Variants in TPST1 observed in about 807,000 individuals in gnomAD.
TPST1 encodes the protein tyrosylprotein sulfotransferase 1.
In TPST1, 20 loss-of-function variants were observed where a neutral mutation model predicts 34.8. The observed-to-expected ratio is 0.57, with a 90% CI of 0.40 to 0.84. The LOEUF (loss-of-function observed/expected upper bound fraction) is 0.84, where lower values mean the gene tolerates loss of function less well. TPST1 is among the 40% of genes least tolerant of loss of function. The pLI, the probability that TPST1 is intolerant of heterozygous loss-of-function variation, is 0.00. For missense variants in TPST1, 353 were observed against 455.5 expected, an observed-to-expected ratio of 0.78 and a Z score of 2.05; for synonymous variants, 152 against 159.4, an observed-to-expected ratio of 0.95 and a Z score of 0.35.
At chr7:66,209,889 G>A (rs1676218518) in intron 1 of TPST1, among the ~76,000 whole-genome samples, 1 of 152,084 alleles carries the variant, frequency 6.6e-6, no homozygotes, top group African/African-American at 2.4e-5. Context: ...GATTGGTCTT[G>A]AACTCCTGGC....
rs1180072248 is a variant in TPST1 at position 66,240,442 on chromosome 7, A to G, written c.17A>G (p.Lys6Arg). ...CACATCAAGATGGTTGGAAAGCTGAAGCAGAACTTACTATTGGCATGTCTG... is the reference window on the plus strand; with the variant it reads ...CACATCAAGATGGTTGGAAAGCTGAGGCAGAACTTACTATTGGCATGTCTG... MVGKL[K>R]QNLLLACLVI... Residue 6 changes from lysine to arginine, a missense_variant, in exon 2 of 6, where the codon AAG (lysine) becomes AGG (arginine). Coordinates refer to ENST00000304842, the MANE Select transcript of TPST1 (RefSeq NM_003596.4). 4 of 1,613,816 alleles carry G rather than the reference A, an allele frequency of 2.5e-6. No homozygotes were observed. Among genetic ancestry groups the G allele is most frequent in the Non-Finnish European group, 3.4e-6 (4 of 1,179,834 alleles).
chr7:66,345,772 C>CATCAGGAT (rs1162732590), intron 3 of TPST1, among the ~76,000 whole-genome samples: 1 of 151,984 alleles, frequency 6.6e-6, no homozygotes, highest in Non-Finnish European at 1.5e-5. Context: ...GTAATAATCA[C>CATCAGGAT]ATCAGGATGA....
chr7:66,321,335 A>G lies in TPST1; in HGVS notation c.1045-31170A>G, dbSNP rs151084775. 6.6e-5 allele frequency among the ~76,000 whole-genome samples: 10 copies of G among 152,372 alleles called. No homozygotes were observed. In the East Asian group the frequency reaches 1.9e-3, roughly 29 times the overall value. ...GTTTTTATTAGGGGTCAGTCATGAC[A>G]TAGGCATTTGGTATTACCTGCACAA... On this transcript the variant is annotated intron_variant, in intron 3 of 5. Coordinates refer to ENST00000304842, the MANE Select transcript of TPST1 (RefSeq NM_003596.4).
chr7:66,274,564 G>C (rs1052408413), intron 2 of TPST1, among the ~76,000 whole-genome samples: 1 of 151,968 alleles, frequency 6.6e-6, no homozygotes, highest in African/African-American at 2.4e-5. Flanking sequence ...AAAAGCACTG[G>C]CAACAAAAAC....
At chr7:66,219,249 A>G (rs146420559) in intron 1 of TPST1, among the ~76,000 whole-genome samples, 27 of 152,190 alleles carry the variant, frequency 1.8e-4, no homozygotes, top group Middle Eastern at 3.4e-3. Flanking sequence ...CATAGAGAAC[A>G]TCACAAAATT....
chr7:66,279,629 A>G (rs1192328945), intron 2 of TPST1, among the ~76,000 whole-genome samples: 1 of 152,202 alleles, frequency 6.6e-6, no homozygotes, highest in Non-Finnish European at 1.5e-5. Flanking sequence ...TTTTCTAATA[A>G]CAGCTCATAG....
chr7:66,279,460 T>C (rs1399518652), intron 2 of TPST1, among the ~76,000 whole-genome samples: 3 of 152,226 alleles, frequency 2.0e-5, no homozygotes, highest in African/African-American at 7.2e-5. Context: ...AGGGGGTTAC[T>C]GGGTCTAATG....
chr7:66,341,425 C>T lies in TPST1; in HGVS notation c.1045-11080C>T, dbSNP rs182133081. ...CCCAAGTAGCTGGGATTGCAGGCAC[C>T]CATCACAAATGCCTGGCTAATGTTT... On this transcript the variant is annotated intron_variant, in intron 3 of 5. Transcript: ENST00000304842. Among the ~76,000 whole-genome samples the T allele has an allele frequency of 1.8e-3, 276 of 152,234 alleles. 1 individual carries two copies. Among genetic ancestry groups the T allele is most frequent in the African/African-American group, 6.3e-3 (261 of 41,556 alleles).
chr7:66,221,780 T>C (rs1280221368), intron 1 of TPST1: 1 of 152,204 alleles, frequency 6.6e-6, no homozygotes, highest in Non-Finnish European at 1.5e-5. Flanking sequence ...TTTAGTGTCA[T>C]TGATTACTGT....
intron 1 of TPST1, among the ~76,000 whole-genome samples, chr7:66,215,655 G>A (rs1425011467): frequency 6.6e-6 from 1 of 151,228 alleles, no homozygotes; most frequent in Non-Finnish European, 1.5e-5. Context: ...TTACAGGCGT[G>A]AGCCACCGCG....
At position 66,286,643 on chromosome 7, in the gene TPST1, T is replaced by C; in HGVS notation, c.978T>C (p.Tyr326=). ...VIAPMLAKLG[Y]DPYANPPNYG... ...CTCCTATGCTTGCCAAGCTTGGATA[T>C]GACCCATATGCCAACCCACCTAACT... The change falls in exon 3 of 6, where the codon TAT becomes TAC. Residue 326 remains tyrosine (Y), a synonymous_variant. Coordinates refer to ENST00000304842, the MANE Select transcript of TPST1 (RefSeq NM_003596.4). 6.2e-7 allele frequency: 1 copy of C among 1,607,342 alleles called. No homozygotes were observed. Among genetic ancestry groups the C allele is most frequent in the Non-Finnish European group, 8.5e-7 (1 of 1,176,110 alleles).
At chr7:66,259,378 A>T (rs1179187098) in intron 2 of TPST1, among the ~76,000 whole-genome samples, 1 of 152,158 alleles carries the variant, frequency 6.6e-6, no homozygotes, top group African/African-American at 2.4e-5. Context: ...GATCTGTAGA[A>T]CCTTGCATTC....
upstream of TPST1, among the ~76,000 whole-genome samples, chr7:66,204,158 CAG>C (rs1374149151): frequency 2.0e-5 from 3 of 150,650 alleles, no homozygotes; most frequent in African/African-American, 7.3e-5. Flanking sequence ...GCCTGGGAGA[CAG>C]AGTGAGACTC....
At chr7:66,311,502 AG>A (rs1176627631) in intron 3 of TPST1, among the ~76,000 whole-genome samples, 1 of 152,200 alleles carries the variant, frequency 6.6e-6, no homozygotes, top group Non-Finnish European at 1.5e-5. Context: ...AGAATATATA[AG>A]GAAGTTCAAA....
rs1792004818 is a variant in TPST1, at chr7:66,332,076, CAG to C, written c.1045-20427_1045-20426del. On this transcript the variant is annotated intron_variant, in intron 3 of 5. Transcript: ENST00000304842. This position sits in a 1 kb window ranked among gnomAD's most constrained non-coding sequence, Gnocchi z 4.5. ...ACTATATATTATGATGTAATAATAACAGAAATAAAGTGCACAGTAAACGTAAT... is the reference window on the plus strand; with the variant it reads ...ACTATATATTATGATGTAATAATAACAAATAAAGTGCACAGTAAACGTAAT... Among the ~76,000 whole-genome samples the C allele has an allele frequency of 6.6e-6, 1 of 152,046 alleles. No individual in the cohort carries two copies. Among genetic ancestry groups the C allele is most frequent in the African/African-American group, 2.4e-5 (1 of 41,390 alleles).
chr7:66,238,915 T>C (rs1027747640), intron 1 of TPST1, among the ~76,000 whole-genome samples: 2 of 152,232 alleles, frequency 1.3e-5, no homozygotes, highest in Non-Finnish European at 2.9e-5. Context: ...ATATACATGC[T>C]TCTGCTTTTG....
intron 3 of TPST1, among the ~76,000 whole-genome samples, chr7:66,323,802 G>T (rs1274042709): frequency 6.6e-6 from 1 of 152,100 alleles, no homozygotes; most frequent in East Asian, 1.9e-4. Context: ...CACCCACCGG[G>T]ATGCTTATAA....
At chr7:66,340,028 C>T (rs535213531) in intron 3 of TPST1, among the ~76,000 whole-genome samples, 56 of 152,072 alleles carry the variant, frequency 3.7e-4, no homozygotes, top group African/African-American at 1.4e-3. Flanking sequence ...AAATTCTCAA[C>T]AAACGGTATA....
chr7:66,345,448 C>G (rs1269822126), intron 3 of TPST1, among the ~76,000 whole-genome samples: 1 of 141,640 alleles, frequency 7.1e-6, no homozygotes. Flanking sequence ...AGCTGGGCAC[C>G]ACTGCACTCC....
Sources: allele counts gnomAD v4.1 joint callset (sites outside exome capture counted in the v4.1 genomes callset), GRCh38; gene constraint gnomAD v4.1.1; non-coding constraint Gnocchi (gnomAD v3.1); transcripts MANE v1.5; gene names NCBI Gene and HGNC (gene_info 2026-07-23, HGNC 2026-07-21).